Variants in MCM9 observed in about 807,000 individuals in gnomAD.
MCM9 encodes DNA helicase MCM9.
In MCM9, 55 loss-of-function variants were observed where a neutral mutation model predicts 72.8. The ratio of observed to expected loss-of-function variants is 0.76; its 90% CI spans 0.61 to 0.95. MCM9 has a LOEUF of 0.95. Ranked by LOEUF, MCM9 falls within the 40% of genes least tolerant of loss-of-function variation. MCM9 has a pLI of 0.00. For synonymous variants in MCM9, 480 were observed against 503.4 expected (o/e 0.95, Z 0.62); for missense variants, 1,279 against 1,377.0 (o/e 0.93, Z 1.13).
chr6:118,888,751 G>T (rs757433291), intron 8 of MCM9, among the ~76,000 whole-genome samples: 13 of 152,102 alleles, frequency 8.5e-5, no homozygotes, highest in Admixed American at 7.2e-4. Flanking sequence ...TAATAAAAAG[G>T]AATAAAGCAT....
intron 8 of MCM9, among the ~76,000 whole-genome samples, chr6:118,894,801 G>C (rs930905206): frequency 4.6e-5 from 7 of 152,332 alleles, no homozygotes; most frequent in Admixed American, 2.6e-4. Flanking sequence ...GGGCAGCTCG[G>C]AGACCCGCAC....
At chr6:118,906,010 A>G (rs1398351102) in intron 8 of MCM9, among the ~76,000 whole-genome samples, 1 of 152,212 alleles carries the variant, frequency 6.6e-6, no homozygotes, top group Non-Finnish European at 1.5e-5. Context: ...CCCTACCTTC[A>G]GATGAGTCAT....
intron 8 of MCM9, among the ~76,000 whole-genome samples, chr6:118,878,253 A>T (rs1778066818): frequency 6.6e-6 from 1 of 152,196 alleles, no homozygotes; most frequent in Non-Finnish European, 1.5e-5. Flanking sequence ...AAAAATACAT[A>T]GTCTACAATT....
At chr6:118,855,961 C>T (rs1315694387) in intron 9 of MCM9, among the ~76,000 whole-genome samples, 1 of 152,144 alleles carries the variant, frequency 6.6e-6, no homozygotes, top group Admixed American at 6.5e-5. Flanking sequence ...ATCAACCTTC[C>T]ATGAGGATTT....
At chr6:118,860,625 T>C (rs952371863) in intron 8 of MCM9, among the ~76,000 whole-genome samples, 1 of 151,686 alleles carries the variant, frequency 6.6e-6, no homozygotes, top group Non-Finnish European at 1.5e-5. Flanking sequence ...ACCAGCAAAA[T>C]GAATGCCCAA....
In MCM9 at chr6:118,833,996, A is replaced by T. The variant is rs371992240; in HGVS notation, c.1326-4746T>A. ...CACCCATCAACCCATCATCTACATT[A>T]GGTATTTCTCCTAATGTTATCCCTC... is the stretch of plus-strand genomic sequence containing the variant. On this transcript the variant is annotated intron_variant, in intron 9 of 13. Transcript: ENST00000619706. 2.2e-4 allele frequency among the ~76,000 whole-genome samples: 33 copies of T among 152,152 alleles called. 1 individual carries two copies. In the East Asian group the frequency reaches 2.3e-3, roughly 11 times the overall value.
intron 8 of MCM9, among the ~76,000 whole-genome samples, chr6:118,871,595 C>A (rs1367569347): frequency 6.6e-6 from 1 of 152,210 alleles, no homozygotes; most frequent in Non-Finnish European, 1.5e-5. Context: ...CTCGTCACTC[C>A]TGTTCAACAT....
At chr6:118,856,607 A>T (rs1776569066) in intron 8 of MCM9, 62 bp from the exon 9 acceptor site, 4 of 1,500,116 alleles carry the variant, frequency 2.7e-6, no homozygotes, top group Non-Finnish European at 3.6e-6. Context: ...GACTGGGCGC[A>T]GTGGCTCACA....
At chr6:118,890,901 G>A (rs149967158) in intron 8 of MCM9, among the ~76,000 whole-genome samples, 29 of 152,178 alleles carry the variant, frequency 1.9e-4, no homozygotes, top group Admixed American at 8.5e-4. Context: ...GTGATTACCC[G>A]AGGTGGAAAT....
intron 8 of MCM9, chr6:118,911,435 G>C (rs1181310435): frequency 2.3e-6 from 3 of 1,282,716 alleles, no homozygotes; most frequent in East Asian, 6.1e-5. Context: ...AAATTGAATA[G>C]GATTGTTCAA....
At position 118,814,528 on chromosome 6, in the gene MCM9, A is replaced by T. The variant is rs1364627735; in HGVS notation, c.*296T>A. 1 of 243,532 alleles carries T rather than the reference A, an allele frequency of 4.1e-6. No homozygotes were observed. The highest frequency in any genetic ancestry group is 2.2e-5 in the African/African-American group (1 of 44,922). 15.1% of individuals were successfully genotyped at this position (243,532 alleles called of 1,614,324 possible). A position where few individuals can be genotyped will look rare whatever the true frequency, so the allele number is the denominator to read the frequency against. ...AACCTCTCCCCCTTAAAAACAAAAC[A>T]AAACAAAAAACAGAAACAGCTTCAG... On this transcript the variant is annotated 3_prime_UTR_variant, in exon 14 of 14. Transcript: ENST00000619706.
chr6:118,886,861 A>G (rs1463880716), intron 8 of MCM9, among the ~76,000 whole-genome samples: 2 of 152,134 alleles, frequency 1.3e-5, no homozygotes, highest in Non-Finnish European at 2.9e-5. Flanking sequence ...GCTACTCTGG[A>G]GGCTGACGTT....
At chr6:118,872,875 T>C (rs1363200930) in intron 8 of MCM9, among the ~76,000 whole-genome samples, 2 of 151,324 alleles carry the variant, frequency 1.3e-5, no homozygotes, top group African/African-American at 4.9e-5. Flanking sequence ...ATCAGTGAAA[T>C]TGAAAACCAG....
chr6:118,833,272 C>A (rs1774718145), intron 9 of MCM9, among the ~76,000 whole-genome samples: 1 of 152,024 alleles, frequency 6.6e-6, no homozygotes, highest in Admixed American at 6.6e-5. Flanking sequence ...AAATGAAAAG[C>A]AATGAAGACA....
chr6:118,846,359 G>A (rs1408458361), intron 9 of MCM9, among the ~76,000 whole-genome samples: 1 of 151,898 alleles, frequency 6.6e-6, no homozygotes, highest in Non-Finnish European at 1.5e-5. Flanking sequence ...AGCCCTTACT[G>A]GAGTGGAAAG....
intron 8 of MCM9, among the ~76,000 whole-genome samples, chr6:118,879,248 G>GAA (rs36165777): frequency 2.1e-5 from 3 of 145,218 alleles, no homozygotes; most frequent in African/African-American, 5.0e-5. Context: ...AATGGAGGGG[G>GAA]AAAAAAAAAA....
intron 5 of MCM9, 68 bp downstream of exon 5, chr6:118,921,937 A>C (rs67182660): frequency 8.6e-7 from 1 of 1,167,608 alleles, no homozygotes; most frequent in African/African-American, 1.6e-5. Flanking sequence ...GAAAATAAAA[A>C]GTGGCTTTTC....
Position 118,829,104 on chromosome 6 carries a change from T to A in MCM9, c.1472A>T (p.Asp491Val). 6.4e-7 allele frequency: 1 copy of A among 1,550,660 alleles called. No homozygotes were observed. Among genetic ancestry groups the A allele is most frequent in the South Asian group, 1.2e-5 (1 of 84,058 alleles). Residue 491 changes from aspartate to valine, a missense_variant, in exon 10 of 14, where the codon GAT (aspartate) becomes GTT (valine). Transcript: ENST00000619706. Reference protein sequence around the residue: ...SRFDLILVLLDTKNEDWDRII... With the variant: ...SRFDLILVLLVTKNEDWDRII... The stretch of plus-strand genomic sequence containing the variant: ...ACGATCCCAGTCTTCATTCTTGGTA[T>A]CAAGCAAAACCAGGATCAGGTCAAA...
In MCM9 at chr6:118,814,779, T is replaced by C; in HGVS notation, c.*45A>G. 1 of 1,457,310 alleles carries C rather than the reference T, an allele frequency of 6.9e-7. No homozygotes were observed. Among genetic ancestry groups the C allele is most frequent in the Admixed American group, 2.7e-5 (1 of 37,000 alleles). 90.3% of individuals were successfully genotyped at this position (1,457,310 alleles called of 1,614,324 possible). On this transcript the variant is annotated 3_prime_UTR_variant, in exon 14 of 14. Coordinates refer to ENST00000619706, the MANE Select transcript of MCM9 (RefSeq NM_017696.3). ...CCATATTGATATCCTGAAGGTCCTC[T>C]GTGGAGTTGAAGAAGGTGAGATTTG...
Sources: allele counts gnomAD v4.1 joint callset (sites outside exome capture counted in the v4.1 genomes callset), GRCh38; gene constraint gnomAD v4.1.1; transcripts MANE v1.5; gene names NCBI Gene and HGNC (gene_info 2026-07-23, HGNC 2026-07-21).